C2orf78: variants seen among roughly 807,000 people sequenced by gnomAD.
C2orf78 encodes the protein uncharacterized protein C2orf78.
C2orf78 carries 12 observed loss-of-function variants against 21.4 expected under a neutral mutation model. That is an observed-to-expected ratio of 0.56 (90% CI 0.36 to 0.91). C2orf78 has a LOEUF of 0.91. Among genes scored for constraint, C2orf78 ranks in the 40% least tolerant of loss-of-function variants. The pLI, the probability that C2orf78 is intolerant of heterozygous loss-of-function variation, is 0.01. For missense variants in C2orf78, 1,042 were observed against 1,092.4 expected (o/e 0.95, Z 0.65); for synonymous variants, 396 against 413.9 (o/e 0.96, Z 0.52).
intron 1 of C2orf78, among the ~76,000 whole-genome samples, chr2:73,786,052 G>GA (rs1167508607): frequency 1.3e-5 from 2 of 149,342 alleles, no homozygotes; most frequent in East Asian, 2.0e-4. Flanking sequence ...GCTTCAAAAA[G>GA]AAAAAAAAAG....
At chr2:73,816,542 C>G (rs1423561809) in exon 3 of C2orf78, 1 of 1,613,866 alleles carries the variant, frequency 6.2e-7, no homozygotes, top group Non-Finnish European at 8.5e-7. Flanking sequence ...CAGCTCCTAC[C>G]AACACATCTT....
chr2:73,816,493 C>T, exon 3 of C2orf78: 5 of 1,613,998 alleles, frequency 3.1e-6, no homozygotes, highest in Non-Finnish European at 4.2e-6. Flanking sequence ...CCTGATTCTA[C>T]TAACTCAGCT....
chr2:73,815,005 T>C, intron 2 of C2orf78, 66 bp from the exon 3 acceptor site: 6 of 1,467,784 alleles, frequency 4.1e-6, no homozygotes, highest in Non-Finnish European at 5.5e-6. Flanking sequence ...ATCCGATTGC[T>C]GCACTGGTGT....
chr2:73,816,503 T>C (rs749240033), exon 3 of C2orf78: 7 of 1,613,882 alleles, frequency 4.3e-6, no homozygotes, highest in Non-Finnish European at 5.9e-6. Context: ...CTAACTCAGC[T>C]CAATCGAATG....
At chr2:73,814,219 T>C (rs781746759) in exon 2 of C2orf78, 1 of 1,570,198 alleles carries the variant, frequency 6.4e-7, no homozygotes, top group Non-Finnish European at 8.7e-7. Context: ...CAGAAACCAG[T>C]GTTCAAGGTG....
chr2:73,812,440 A>C (rs1440431575), intron 1 of C2orf78, among the ~76,000 whole-genome samples: 1 of 152,126 alleles, frequency 6.6e-6, no homozygotes, highest in Non-Finnish European at 1.5e-5. Flanking sequence ...CACTGTTATT[A>C]TTTTACAACT....
chr2:73,815,946 G>A (rs112232290), exon 3 of C2orf78: 13 of 1,613,790 alleles, frequency 8.1e-6, no homozygotes, highest in African/African-American at 2.7e-5. Flanking sequence ...AAAGACCAAA[G>A]GGAACAGAAA....
At chr2:73,807,701 C>G (rs1672982333) in intron 1 of C2orf78, among the ~76,000 whole-genome samples, 1 of 112,168 alleles carries the variant, frequency 8.9e-6, no homozygotes, top group South Asian at 3.6e-4. Context: ...TGGAAGTTGA[C>G]AAGAAGGAAT....
At chr2:73,814,063 T>C in exon 2 of C2orf78, 1 of 1,613,902 alleles carries the variant, frequency 6.2e-7, no homozygotes, top group Non-Finnish European at 8.5e-7. Flanking sequence ...GCCTGCAATC[T>C]TATGGCTCTG....
intron 1 of C2orf78, among the ~76,000 whole-genome samples, chr2:73,810,671 TATA>T (rs1309052176): frequency 7.5e-6 from 1 of 132,810 alleles, no homozygotes; most frequent in Admixed American, 8.2e-5. Flanking sequence ...ATATATATAA[TATA>T]ATAAAATATA....
chr2:73,810,222 A>G (rs1673051281), intron 1 of C2orf78, among the ~76,000 whole-genome samples: 1 of 152,024 alleles, frequency 6.6e-6, no homozygotes, highest in South Asian at 2.1e-4. Context: ...AGTTTTTAAT[A>G]TAAACATTTT....
At chr2:73,807,790 C>T (rs1212710357) in intron 1 of C2orf78, among the ~76,000 whole-genome samples, 1 of 142,864 alleles carries the variant, frequency 7.0e-6, no homozygotes. Flanking sequence ...AATGGGAGAG[C>T]AGAAGAGAGA....
Position 73,807,985 on chromosome 2 carries a change from G to C in C2orf78, c.98-5492G>C, listed in dbSNP as rs1001795640. Among the ~76,000 whole-genome samples the C allele has an allele frequency of 2.6e-5, 4 of 151,150 alleles. 1 individual carries two copies. Among genetic ancestry groups the C allele is most frequent in the African/African-American group, 9.9e-5 (4 of 40,552 alleles). On this transcript the variant is annotated intron_variant, in intron 1 of 2. Coordinates refer to ENST00000409561, the Ensembl canonical transcript of C2orf78. ...AAAATCGGCAGTAGGGCCGGGTGCG[G>C]TGGCTCCCGCCTGTAATCCCAGCAC...
At chr2:73,809,728 G>A (rs1325094229) in intron 1 of C2orf78, among the ~76,000 whole-genome samples, 3 of 152,186 alleles carry the variant, frequency 2.0e-5, no homozygotes, top group Admixed American at 6.5e-5. Context: ...AGGCTGCAGT[G>A]AGTCAGGTTC....
chr2:73,813,839 A>C, exon 2 of C2orf78: 3 of 1,613,984 alleles, frequency 1.9e-6, no homozygotes, highest in South Asian at 2.2e-5. Flanking sequence ...TGATCAGAAC[A>C]CAGCTGTCTC....
intron 1 of C2orf78, among the ~76,000 whole-genome samples, chr2:73,811,177 G>A (rs1183777998): frequency 6.6e-6 from 1 of 151,664 alleles, no homozygotes; most frequent in African/African-American, 2.4e-5. Context: ...TGTAAACCCA[G>A]CTACTTGGGA....
chr2:73,815,201 C>G, exon 3 of C2orf78: 1 of 1,614,014 alleles, frequency 6.2e-7, no homozygotes, highest in Non-Finnish European at 8.5e-7. Context: ...TTGAGAGTAA[C>G]CCATCACCTG....
At chr2:73,814,141 G>T (rs370664233) in exon 2 of C2orf78, 35 of 1,611,490 alleles carry the variant, frequency 2.2e-5, no homozygotes, top group Non-Finnish European at 2.8e-5. Flanking sequence ...AGGAGGTTCA[G>T]CCCACAAATG....
At chr2:73,798,128 AG>A (rs1672956896) in intron 1 of C2orf78, among the ~76,000 whole-genome samples, 1 of 135,840 alleles carries the variant, frequency 7.4e-6, no homozygotes, top group Non-Finnish European at 1.6e-5. Flanking sequence ...AAGTTACAAA[AG>A]GGGGTTCTTT....
Sources: gnomAD v4.1 joint callset for allele counts (sites outside exome capture counted in the v4.1 genomes callset) on GRCh38, gnomAD v4.1.1 for gene constraint, MANE v1.5 for transcripts, NCBI Gene and HGNC (gene_info 2026-07-23, HGNC 2026-07-21) for gene names.